LUZP2: variants seen among roughly 807,000 people sequenced by gnomAD.
The protein encoded by LUZP2 is leucine zipper protein 2.
In LUZP2, 52 loss-of-function variants were observed where a neutral mutation model predicts 51.6. The ratio of observed to expected loss-of-function variants is 1.01; its 90% CI spans 0.81 to 1.27. The LOEUF (loss-of-function observed/expected upper bound fraction) is 1.27. Ranked by LOEUF, LUZP2 falls within the 50% of genes most tolerant of loss-of-function variation. The pLI is 0.00. For synonymous variants in LUZP2, 154 were observed against 137.3 expected (o/e 1.12, Z -0.85); for missense variants, 436 against 395.4 (o/e 1.10, Z -0.87).
At chr11:24,731,938 G>A (rs1858727835) in intron 2 of LUZP2, among the ~76,000 whole-genome samples, 180 bp from the exon 3 acceptor site, 1 of 151,710 alleles carries the variant, frequency 6.6e-6, no homozygotes, top group South Asian at 2.1e-4. Flanking sequence ...CAGCCACTGT[G>A]TAGTTGGGTG....
At chr11:25,063,094 T>A (rs1368366089) in intron 10 of LUZP2, among the ~76,000 whole-genome samples, 1 of 151,558 alleles carries the variant, frequency 6.6e-6, no homozygotes, top group African/African-American at 2.4e-5. Flanking sequence ...ATCTGTGGAT[T>A]TAACCAACCA....
intron 5 of LUZP2, among the ~76,000 whole-genome samples, chr11:24,867,427 T>C (rs373294575): frequency 6.6e-6 from 1 of 152,152 alleles, no homozygotes; most frequent in Non-Finnish European, 1.5e-5. Flanking sequence ...CTCTCCCTTC[T>C]CTTTCTTCCA....
intron 7 of LUZP2, among the ~76,000 whole-genome samples, chr11:24,928,012 A>C (rs914675885): frequency 6.6e-6 from 1 of 151,868 alleles, no homozygotes; most frequent in Non-Finnish European, 1.5e-5. Flanking sequence ...GTAAAAAAAA[A>C]GTTGAGTTCT....
chr11:24,738,355 T>C lies in LUZP2; in HGVS notation c.333+53T>C, dbSNP rs1053449580. 3.1e-6 allele frequency: 4 copies of C among 1,287,744 alleles called. No homozygotes were observed. In the African/African-American group the frequency reaches 4.4e-5, roughly 14 times the overall value. The allele number at this position is 1,287,744 out of a possible 1,614,324, so 79.8% of individuals were successfully genotyped here. On this transcript the variant is annotated intron_variant, in intron 4 of 11. Transcript: ENST00000336930. ...TGCTTTTGGGCTGGGACATTGTTAC[T>C]TTCTTTTTCCAAAATCACTATGGAA... is the stretch of plus-strand genomic sequence containing the variant.
intron 1 of LUZP2, 109 bp downstream of exon 1, chr11:24,497,414 CCGCCTAAGCAAGAGGGA>C (rs1182029453): frequency 2.9e-6 from 2 of 692,020 alleles, no homozygotes; most frequent in East Asian, 3.4e-5. Flanking sequence ...TTTGCATCTC[CCGCCTAAGCAAGAGGGA>C]CGCTGTATGG....
chr11:24,715,261 C>CTGTGTGTGTGTGTG (rs1220899685), intron 1 of LUZP2, among the ~76,000 whole-genome samples: 2 of 73,510 alleles, frequency 2.7e-5, no homozygotes, highest in East Asian at 8.9e-4. Flanking sequence ...CAAGGAGCAA[C>CTGTGTGTGTGTGTG]TATGTGTGTG....
Position 24,571,472 on chromosome 11 carries a change from T to A in LUZP2, c.62+74167T>A, listed in dbSNP as rs150657462. ...TTGTGTTTCTCATAGCAACTAAATT[T>A]AACTCAAATGCCATTTCCAAATTAA... On this transcript the variant is annotated intron_variant, in intron 1 of 11. Coordinates refer to ENST00000336930, the MANE Select transcript of LUZP2 (RefSeq NM_001009909.4). Among the ~76,000 whole-genome samples the A allele has an allele frequency of 4.5e-4, 69 of 152,222 alleles. No homozygotes were observed. In the East Asian group the frequency reaches 7.3e-3, roughly 16 times the overall value.
intron 7 of LUZP2, among the ~76,000 whole-genome samples, chr11:24,924,980 C>T (rs1431461257): frequency 3.9e-5 from 6 of 151,906 alleles, no homozygotes; most frequent in Non-Finnish European, 5.9e-5. Context: ...TGGTGCCAAA[C>T]TCTTAGTTAA....
At chr11:24,631,675 G>C (rs1287941594) in intron 1 of LUZP2, among the ~76,000 whole-genome samples, 2 of 151,884 alleles carry the variant, frequency 1.3e-5, no homozygotes, top group African/African-American at 4.8e-5. Context: ...GTGTGTCCTT[G>C]TCTGGTTGGG....
chr11:24,764,132 C>T (rs1860091018), intron 5 of LUZP2, among the ~76,000 whole-genome samples: 2 of 152,076 alleles, frequency 1.3e-5, no homozygotes, highest in South Asian at 2.1e-4. Flanking sequence ...ACAAGGAAAA[C>T]ATTTTAAACG....
intron 1 of LUZP2, among the ~76,000 whole-genome samples, chr11:24,722,577 A>G (rs922514370): frequency 8.5e-5 from 13 of 152,136 alleles, no homozygotes; most frequent in African/African-American, 3.1e-4. Context: ...AACCATATCA[A>G]TATTTATATT....
At chr11:24,571,224 T>C (rs1162773656) in intron 1 of LUZP2, among the ~76,000 whole-genome samples, 1 of 87,130 alleles carries the variant, frequency 1.1e-5, no homozygotes, top group East Asian at 2.4e-4. Context: ...AAAGGAAAAA[T>C]TGAATGTCTC....
chr11:24,984,470 T>A (rs1017625960), intron 9 of LUZP2, among the ~76,000 whole-genome samples: 19 of 144,486 alleles, frequency 1.3e-4, no homozygotes, highest in Admixed American at 7.1e-5. Context: ...TTCAAAACAA[T>A]GTATTCAACT....
At chr11:24,662,405 C>T (rs1237993449) in intron 1 of LUZP2, among the ~76,000 whole-genome samples, 1 of 151,964 alleles carries the variant, frequency 6.6e-6, no homozygotes. Context: ...ACTGTATAAA[C>T]ATTTCTAAAT....
At chr11:24,746,285 A>T (rs774555628) in intron 4 of LUZP2, among the ~76,000 whole-genome samples, 1 of 152,154 alleles carries the variant, frequency 6.6e-6, no homozygotes, top group Non-Finnish European at 1.5e-5. Context: ...TGTCCAGAAA[A>T]GACTGCATCT....
rs183300727 is a variant in LUZP2 at position 24,670,081 on chromosome 11, T to C, written c.63-59088T>C. ...TAAAAACAATGTAATAAGTTTACAC[T>C]GAAGGAGTATAATGTAGTCTAGTTA... On this transcript the variant is annotated intron_variant, in intron 1 of 11. Coordinates refer to ENST00000336930, the MANE Select transcript of LUZP2 (RefSeq NM_001009909.4). Among the ~76,000 whole-genome samples the C allele has an allele frequency of 2.3e-3, 354 of 152,184 alleles. 1 individual carries two copies. Among genetic ancestry groups the C allele is most frequent in the African/African-American group, 8.3e-3 (346 of 41,556 alleles).
At chr11:25,063,561 T>G (rs761174056) in intron 10 of LUZP2, among the ~76,000 whole-genome samples, 2 of 151,856 alleles carry the variant, frequency 1.3e-5, no homozygotes, top group Non-Finnish European at 3.0e-5. Flanking sequence ...AGAAAAATAG[T>G]TTATCATTTT....
chr11:24,723,359 A>T (rs1195964730), intron 1 of LUZP2, among the ~76,000 whole-genome samples: 1 of 152,194 alleles, frequency 6.6e-6, no homozygotes, highest in African/African-American at 2.4e-5. Flanking sequence ...CGGCAATTCC[A>T]TTCTTAGATA....
At chr11:24,888,556 C>T (rs193287322) in intron 5 of LUZP2, among the ~76,000 whole-genome samples, 1 of 152,146 alleles carries the variant, frequency 6.6e-6, no homozygotes, top group East Asian at 1.9e-4. Context: ...TTTTACCACA[C>T]AGGAGTGGGA....
Sources: gnomAD v4.1 joint callset for allele counts (sites outside exome capture counted in the v4.1 genomes callset) on GRCh38, gnomAD v4.1.1 for gene constraint, MANE v1.5 for transcripts, NCBI Gene and HGNC (gene_info 2026-07-23, HGNC 2026-07-21) for gene names.